The following RBFOX1 variants were observed in gnomAD, a reference collection of about 807,000 sequenced individuals.
The protein encoded by RBFOX1 is RNA binding protein fox-1 homolog 1.
RBFOX1 carries 8 observed loss-of-function variants against 57.7 expected under a neutral mutation model. The observed-to-expected ratio is 0.14, with a 90% CI of 0.08 to 0.25. RBFOX1 has a LOEUF of 0.25. RBFOX1 is among the 10% of genes least tolerant of loss of function. RBFOX1 has a pLI of 1.00. For synonymous variants in RBFOX1, 326 were observed against 222.4 expected (o/e 1.47, Z -4.15); for missense variants, 611 against 548.5 (o/e 1.11, Z -1.14).
intron 2 of RBFOX1, among the ~76,000 whole-genome samples, chr16:6,326,923 C>G (rs896493798): frequency 3.9e-5 from 6 of 152,176 alleles, no homozygotes; most frequent in African/African-American, 1.2e-4. Context: ...AAGCTGGGCT[C>G]TCTCACCTGG....
intron 4 of RBFOX1, among the ~76,000 whole-genome samples, chr16:7,421,235 A>G (rs959305233): frequency 2.5e-4 from 35 of 142,850 alleles, no homozygotes; most frequent in African/African-American, 8.4e-4. Flanking sequence ...CAGAAAGACA[A>G]AGAGAGAGAG....
At chr16:5,660,649 A>AT (rs970812387) in intron 3 of RBFOX1, among the ~76,000 whole-genome samples, 31 of 151,506 alleles carry the variant, frequency 2.0e-4, no homozygotes, top group Admixed American at 9.2e-4. Flanking sequence ...ACAGTTCATT[A>AT]TTTTTTTTTA....
rs568697513 is a variant in RBFOX1, at chr16:6,960,023, C to T, written c.-15-92034C>T. Among the ~76,000 whole-genome samples, 8 of 152,280 alleles carry T rather than the reference C, an allele frequency of 5.3e-5. No homozygotes were observed. The South Asian group carries it at 1.0e-3, about 20-fold the overall frequency. ...AACAAAAACCCCCCAAGAGTTTTGC[C>T]TAGGCCTTTCCTAGGCCTTGAAACA... is the stretch of plus-strand genomic sequence containing the variant. On this transcript the variant is annotated intron_variant, in intron 3 of 15. Transcript: ENST00000550418.
intron 3 of RBFOX1, among the ~76,000 whole-genome samples, chr16:6,956,140 G>C (rs2046978): frequency 0.04 from 6,065 of 152,246 alleles, 165 homozygotes; most frequent in African/African-American, 0.07. Context: ...ATGGGACCTG[G>C]ACAGATTGCT....
At chr16:6,020,040 G>C (rs2095036405) in intron 1 of RBFOX1, 48 bp downstream of exon 1, 1 of 1,432,412 alleles carries the variant, frequency 7.0e-7, no homozygotes, top group Non-Finnish European at 9.2e-7. Flanking sequence ...TGACCTGGTG[G>C]GTCAGGTCCA....
chr16:7,330,543 GA>G (rs2096675230), intron 4 of RBFOX1, among the ~76,000 whole-genome samples: 1 of 150,502 alleles, frequency 6.6e-6, no homozygotes, highest in Non-Finnish European at 1.5e-5. Context: ...GAGAGAGAGA[GA>G]GAGAAAGTTA....
chr16:7,071,390 G>C (rs141217669), intron 4 of RBFOX1, among the ~76,000 whole-genome samples: 1,541 of 152,218 alleles, frequency 0.01, 30 homozygotes, highest in African/African-American at 0.035. Context: ...GCGCAGAGGA[G>C]AGTATTATTA....
intron 1 of RBFOX1, among the ~76,000 whole-genome samples, chr16:5,321,926 A>G (rs1399241958): frequency 6.6e-6 from 1 of 152,064 alleles, no homozygotes; most frequent in Non-Finnish European, 1.5e-5. Context: ...CTGATTGCTC[A>G]TTGCTCTCTT....
chr16:7,320,566 G>A (rs1294914417), intron 4 of RBFOX1, among the ~76,000 whole-genome samples: 1 of 152,182 alleles, frequency 6.6e-6, no homozygotes, highest in Non-Finnish European at 1.5e-5. Flanking sequence ...TACTAGTCCA[G>A]AATCTATTAG....
intron 4 of RBFOX1, among the ~76,000 whole-genome samples, chr16:7,122,836 T>G (rs1187478292): frequency 1.3e-5 from 2 of 152,152 alleles, no homozygotes; most frequent in African/African-American, 2.4e-5. Flanking sequence ...ATTTGAAGCA[T>G]TACATGTACA....
At chr16:7,464,117 C>G (rs550265703) in intron 4 of RBFOX1, among the ~76,000 whole-genome samples, 12 of 152,286 alleles carry the variant, frequency 7.9e-5, no homozygotes, top group African/African-American at 1.9e-4. Context: ...ATTGCCACTC[C>G]CTTCTGGTGC....
chr16:7,111,418 C>T (rs765754581), intron 4 of RBFOX1, among the ~76,000 whole-genome samples: 5 of 152,168 alleles, frequency 3.3e-5, no homozygotes, highest in Admixed American at 6.5e-5. Context: ...TATGAATTTA[C>T]TTAGCTCTTT....
At chr16:6,189,994 G>A (rs888054938) in intron 1 of RBFOX1, among the ~76,000 whole-genome samples, 7 of 152,040 alleles carry the variant, frequency 4.6e-5, no homozygotes, top group African/African-American at 1.4e-4. Context: ...CATAGTTTGA[G>A]GTCTTAGATT....
intron 3 of RBFOX1, among the ~76,000 whole-genome samples, chr16:5,626,110 C>G (rs933214334): frequency 4.6e-5 from 7 of 152,144 alleles, no homozygotes; most frequent in African/African-American, 1.7e-4. Flanking sequence ...GAGCTCCTGA[C>G]CTCGGGTGAT....
At chr16:6,789,293 A>T (rs1050144452) in intron 3 of RBFOX1, among the ~76,000 whole-genome samples, 1 of 152,196 alleles carries the variant, frequency 6.6e-6, no homozygotes, top group African/African-American at 2.4e-5. Flanking sequence ...ACAGCAGTTG[A>T]TATTTATAGC....
At chr16:6,413,859 T>C (rs1165472601) in intron 2 of RBFOX1, among the ~76,000 whole-genome samples, 1 of 152,124 alleles carries the variant, frequency 6.6e-6, no homozygotes, top group African/African-American at 2.4e-5. Flanking sequence ...TGGCGACAAC[T>C]AAAGGCTGAA....
chr16:7,479,633 T>C (rs767601685), intron 4 of RBFOX1, among the ~76,000 whole-genome samples: 1 of 152,168 alleles, frequency 6.6e-6, no homozygotes, highest in South Asian at 2.1e-4. Context: ...GATGGAAGGA[T>C]GCAGCTTCTT....
intron 4 of RBFOX1, among the ~76,000 whole-genome samples, chr16:5,978,026 C>T (rs190444257): frequency 6.6e-5 from 10 of 150,610 alleles, no homozygotes; most frequent in East Asian, 5.9e-4. Flanking sequence ...GATAGCACCG[C>T]GCCCCCAGTT....
chr16:6,274,647 G>C (rs1039074458), intron 1 of RBFOX1, among the ~76,000 whole-genome samples: 2 of 152,108 alleles, frequency 1.3e-5, no homozygotes, highest in African/African-American at 4.8e-5. Flanking sequence ...GCAATCCCCT[G>C]ATATCATACT....
Sources: gnomAD v4.1 joint callset for allele counts (sites outside exome capture counted in the v4.1 genomes callset) on GRCh38, gnomAD v4.1.1 for gene constraint, MANE v1.5 for transcripts, NCBI Gene and HGNC (gene_info 2026-07-23, HGNC 2026-07-21) for gene names.